DOCK10: variants seen among roughly 807,000 people sequenced by gnomAD.
The protein encoded by DOCK10 is dedicator of cytokinesis protein 10.
In DOCK10, 145 loss-of-function variants were observed where a neutral mutation model predicts 280.1. The observed-to-expected ratio is 0.52, with a 90% CI of 0.45 to 0.59. DOCK10 has a LOEUF of 0.59. Among genes scored for constraint, DOCK10 ranks in the 20% least tolerant of loss-of-function variants. The probability of loss-of-function intolerance (pLI) is 0.00; values close to 1 mark genes in which losing one functional copy is unlikely to be tolerated. For missense variants in DOCK10, 2,368 were observed against 2,651.7 expected, an observed-to-expected ratio of 0.89 and a Z score of 2.35; for synonymous variants, 915 against 942.2, an observed-to-expected ratio of 0.97 and a Z score of 0.53.
chr2:224,975,991 G>C (rs1043994221), intron 1 of DOCK10, among the ~76,000 whole-genome samples: 6 of 152,094 alleles, frequency 3.9e-5, no homozygotes, highest in Non-Finnish European at 8.8e-5. Flanking sequence ...CTATATTGCT[G>C]AGTGAGTTAC....
chr2:224,804,197 A>T lies in DOCK10; in HGVS notation c.4183T>A (p.Phe1395Ile), dbSNP rs768265800. ...RNIIRKIAAA[F>I]KFVQSTQNNG... ...TTCTGGGTGGACTGCACAAATTTAA[A>T]TGCAGCAGCAATTTTTCTGCAATGA... The change falls in exon 39 of 56, where the codon TTT (phenylalanine) becomes ATT (isoleucine). Residue 1395 changes from phenylalanine to isoleucine, a missense_variant. By Grantham distance (21) the Phe-to-Ile change is conservative. Transcript: ENST00000258390. 2 of 1,610,156 alleles carry T rather than the reference A, an allele frequency of 1.2e-6. No individual in the cohort carries two copies. The highest frequency in any genetic ancestry group is 1.7e-6 in the Non-Finnish European group (2 of 1,177,606).
chr2:224,883,090 A>T (rs1699066253), intron 7 of DOCK10, among the ~76,000 whole-genome samples: 1 of 152,196 alleles, frequency 6.6e-6, no homozygotes, highest in Non-Finnish European at 1.5e-5. Flanking sequence ...ACATATGCCA[A>T]ATCTACCTTG....
intron 47 of DOCK10, among the ~76,000 whole-genome samples, chr2:224,792,492 C>T (rs1004271464): frequency 2.0e-5 from 3 of 152,158 alleles, no homozygotes; most frequent in African/African-American, 7.2e-5. Context: ...CCATGTTGGC[C>T]AGGCTGGTCT....
intron 1 of DOCK10, among the ~76,000 whole-genome samples, chr2:224,933,687 C>T (rs1287040780): frequency 1.3e-5 from 2 of 152,086 alleles, no homozygotes; most frequent in African/African-American, 4.8e-5. Flanking sequence ...GTATATGATG[C>T]CCTTTGGTAT....
intron 1 of DOCK10, among the ~76,000 whole-genome samples, chr2:224,965,272 G>T (rs908303300): frequency 6.6e-6 from 1 of 152,154 alleles, no homozygotes; most frequent in Non-Finnish European, 1.5e-5. Context: ...TCCTAAAAGT[G>T]CCCAGATTTC....
At chr2:225,040,544 GT>G in intron 1 of DOCK10, among the ~76,000 whole-genome samples, 1 of 150,618 alleles carries the variant, frequency 6.6e-6, no homozygotes, top group Admixed American at 6.6e-5. Flanking sequence ...GTGTGTGTGT[GT>G]GGTGTAGAAG....
At chr2:224,899,614 A>G (rs1047922721) in intron 3 of DOCK10, among the ~76,000 whole-genome samples, 5 of 152,210 alleles carry the variant, frequency 3.3e-5, no homozygotes, top group Admixed American at 6.5e-5. Flanking sequence ...AGCTCACAAG[A>G]AAGGTGAGAC....
intron 1 of DOCK10, among the ~76,000 whole-genome samples, chr2:225,018,232 T>A (rs1359783231): frequency 6.6e-6 from 1 of 152,080 alleles, no homozygotes; most frequent in African/African-American, 2.4e-5. Context: ...CTGTGTATTG[T>A]ACCAACTATG....
intron 6 of DOCK10, 102 bp from the exon 7 acceptor site, chr2:224,885,907 G>A: frequency 6.6e-7 from 1 of 1,513,216 alleles, no homozygotes. Context: ...TATATTTCTA[G>A]GACATTTTTC....
chr2:224,891,161 T>C (rs1699639318), intron 4 of DOCK10, among the ~76,000 whole-genome samples: 1 of 152,162 alleles, frequency 6.6e-6, no homozygotes, highest in Non-Finnish European at 1.5e-5. Context: ...AAAGACACAT[T>C]CTAGGTGATG....
intron 33 of DOCK10, among the ~76,000 whole-genome samples, chr2:224,806,561 T>C (rs946130896): frequency 1.3e-5 from 2 of 152,190 alleles, no homozygotes; most frequent in African/African-American, 4.8e-5. Flanking sequence ...AGTTATCTTA[T>C]GTACATTACT....
chr2:224,998,558 CT>C, intron 1 of DOCK10, among the ~76,000 whole-genome samples: 1 of 152,248 alleles, frequency 6.6e-6, no homozygotes, highest in South Asian at 2.1e-4. Context: ...GGTTCCTTCC[CT>C]TTAGCAGCAT....
intron 18 of DOCK10, 56 bp from the exon 19 acceptor site, chr2:224,849,655 GA>G (rs1357933034): frequency 6.6e-5 from 85 of 1,279,248 alleles, no homozygotes; most frequent in Middle Eastern, 2.4e-4. Context: ...ATCCCTGGGT[GA>G]AAAAAAAGTC....
intron 2 of DOCK10, among the ~76,000 whole-genome samples, chr2:224,926,934 T>C (rs375003910): frequency 1.3e-5 from 2 of 152,326 alleles, no homozygotes; most frequent in South Asian, 4.1e-4. Flanking sequence ...GAAGTCTCTG[T>C]CCTGCTAGAG....
chr2:224,924,205 T>C (rs772527954), intron 2 of DOCK10, among the ~76,000 whole-genome samples: 3 of 152,242 alleles, frequency 2.0e-5, no homozygotes, highest in South Asian at 2.1e-4. Flanking sequence ...AATTGAGATA[T>C]AACTGATCTG....
At position 224,873,977 on chromosome 2, in the gene DOCK10, T is replaced by TAA; in HGVS notation, c.1257+17_1257+18dup. Reference sequence around the variant, plus strand: ...AATGTTGGCTTAATGGTATAGGATGTAACAGAGGAGAAACTTACATTCGTT... The same window carrying TAA: ...AATGTTGGCTTAATGGTATAGGATGTAAAACAGAGGAGAAACTTACATTCGTT... On this transcript the variant is annotated intron_variant, in intron 11 of 55. Coordinates refer to ENST00000258390, the MANE Select transcript of DOCK10 (RefSeq NM_014689.3). 1 of 1,607,588 alleles carries TAA rather than the reference T, an allele frequency of 6.2e-7. No individual in the cohort carries two copies. The highest frequency in any genetic ancestry group is 8.5e-7 in the Non-Finnish European group (1 of 1,177,922).
chr2:225,005,895 T>C (rs1689234229), intron 1 of DOCK10, among the ~76,000 whole-genome samples: 1 of 152,154 alleles, frequency 6.6e-6, no homozygotes, highest in South Asian at 2.1e-4. Flanking sequence ...CCCAAAATAA[T>C]TTAGAGATTA....
chr2:224,840,131 C>G, intron 23 of DOCK10, 59 bp from the exon 24 acceptor site: 1 of 764,418 alleles, frequency 1.3e-6, no homozygotes, highest in South Asian at 1.9e-5. Flanking sequence ...GTCCTACATT[C>G]AAGACCTGAA....
At chr2:224,858,727 G>T (rs1697310532) in intron 14 of DOCK10, among the ~76,000 whole-genome samples, 1 of 152,182 alleles carries the variant, frequency 6.6e-6, no homozygotes, top group Non-Finnish European at 1.5e-5. Context: ...TTTTGTGATG[G>T]CTGGAACGCT....
Sources: allele counts gnomAD v4.1 joint callset (sites outside exome capture counted in the v4.1 genomes callset), GRCh38; gene constraint gnomAD v4.1.1; transcripts MANE v1.5; gene names NCBI Gene and HGNC (gene_info 2026-07-23, HGNC 2026-07-21).